The following ITPRID1 variants were observed in gnomAD, a reference collection of about 807,000 sequenced individuals.
The protein encoded by ITPRID1 is ITPR interacting domain containing 1, also known as protein ITPRID1.
In ITPRID1, 96 loss-of-function variants were observed where a neutral mutation model predicts 95.4. The ratio of observed to expected loss-of-function variants is 1.01; its 90% CI spans 0.85 to 1.19. The LOEUF (loss-of-function observed/expected upper bound fraction) is 1.19. ITPRID1 is among the 50% of genes most tolerant of loss of function. The pLI, the probability that ITPRID1 is intolerant of heterozygous loss-of-function variation, is 0.00. For missense variants in ITPRID1, 1,339 were observed against 1,252.9 expected, an observed-to-expected ratio of 1.07 and a Z score of -1.04; for synonymous variants, 510 against 453.6, an observed-to-expected ratio of 1.12 and a Z score of -1.58.
Position 31,653,029 on chromosome 7 carries a change from T to A in ITPRID1, c.*200T>A. ...CAGTATAGAATAACTGAGCACCTAG[T>A]ATGTGCCTGGCACAGAGTATGCAAC... On this transcript the variant is annotated 3_prime_UTR_variant, in exon 15 of 15. Coordinates refer to ENST00000615280, the MANE Select transcript of ITPRID1 (RefSeq NM_001257967.3). 7.4e-7 allele frequency: 1 copy of A among 1,352,112 alleles called. No homozygotes were observed. The highest frequency in any genetic ancestry group is 9.7e-7 in the Non-Finnish European group (1 of 1,031,280). 83.8% of individuals were successfully genotyped at this position (1,352,112 alleles called of 1,614,324 possible). A position where few individuals can be genotyped will look rare whatever the true frequency, so the allele number is the denominator to read the frequency against.
intron 10 of ITPRID1, among the ~76,000 whole-genome samples, chr7:31,625,607 C>T (rs752675188): frequency 6.6e-6 from 1 of 151,906 alleles, no homozygotes; most frequent in Non-Finnish European, 1.5e-5. Flanking sequence ...GAACATCACA[C>T]TCTGGGGACT....
intron 1 of ITPRID1, among the ~76,000 whole-genome samples, chr7:31,524,954 C>T (rs1783378246): frequency 6.6e-6 from 1 of 152,010 alleles, no homozygotes; most frequent in South Asian, 2.1e-4. Context: ...GATTCAGGTT[C>T]AGGTGTGAAA....
intron 5 of ITPRID1, among the ~76,000 whole-genome samples, chr7:31,568,724 A>T (rs895734751): frequency 4.6e-5 from 7 of 152,214 alleles, no homozygotes; most frequent in African/African-American, 1.7e-4. Flanking sequence ...CAGGCAAATG[A>T]ACATTCAGCA....
intron 1 of ITPRID1, among the ~76,000 whole-genome samples, chr7:31,526,772 T>C (rs1280161890): frequency 2.0e-5 from 3 of 152,072 alleles, no homozygotes; most frequent in Admixed American, 6.6e-5. Flanking sequence ...AATAACTCAC[T>C]TATCTACATT....
In ITPRID1 at chr7:31,654,035, T is replaced by C. The variant is rs1791162939; in HGVS notation, c.*1206T>C. Among the ~76,000 whole-genome samples, 3 of 128,028 alleles carry C rather than the reference T, an allele frequency of 2.3e-5. No individual in the cohort carries two copies. Among genetic ancestry groups the C allele is most frequent in the Admixed American group, 1.7e-4 (2 of 11,508 alleles). The allele number at this position is 128,028 out of a possible 152,430, so 84.0% of individuals were successfully genotyped here. A position where few individuals can be genotyped will look rare whatever the true frequency, so the allele number is the denominator to read the frequency against. On this transcript the variant is annotated 3_prime_UTR_variant, in exon 15 of 15. Transcript: ENST00000615280. ...AGATGGACTTTCTACTCAGAAAGAG[T>C]TGGATGAAGAGTAAGTCCAAAAAAA...
intron 10 of ITPRID1, among the ~76,000 whole-genome samples, chr7:31,632,870 A>T (rs560978466): frequency 4.5e-4 from 68 of 151,212 alleles, no homozygotes; most frequent in Non-Finnish European, 5.9e-4. Flanking sequence ...TTTTATTTTT[A>T]TTTATTTATT....
At chr7:31,549,534 C>T in intron 2 of ITPRID1, 35 bp downstream of exon 2, 1 of 1,426,798 alleles carries the variant, frequency 7.0e-7, no homozygotes, top group Non-Finnish European at 9.5e-7. Flanking sequence ...ATTAAATTTT[C>T]CCAAAAACTC....
chr7:31,600,996 C>T (rs1481196448), intron 10 of ITPRID1, among the ~76,000 whole-genome samples: 1 of 152,130 alleles, frequency 6.6e-6, no homozygotes, highest in African/African-American at 2.4e-5. Flanking sequence ...CCTGCTCATG[C>T]CTAGCCACCT....
chr7:31,519,616 CTCTCTATA>C (rs751182679), intron 1 of ITPRID1, among the ~76,000 whole-genome samples: 805 of 38,288 alleles, frequency 0.021, 6 homozygotes, highest in South Asian at 0.049. Context: ...CTCTCTCTCT[CTCTCTATA>C]TATATATATA....
intron 5 of ITPRID1, among the ~76,000 whole-genome samples, chr7:31,567,989 G>A (rs556521237): frequency 1.3e-5 from 2 of 152,086 alleles, no homozygotes; most frequent in African/African-American, 4.8e-5. Flanking sequence ...AGACGGACAT[G>A]GTGGTACACA....
rs1583548315 is a variant in ITPRID1 at position 31,595,282 on chromosome 7, T to A, written c.1228+12091T>A. Among the ~76,000 whole-genome samples, 3 of 151,256 alleles carry A rather than the reference T, an allele frequency of 2.0e-5. No homozygotes were observed. In the East Asian group the frequency reaches 5.8e-4, roughly 29 times the overall value. Reference sequence around the variant, plus strand: ...CTGGTCTTGAACTCCTGACCTCAGGTGATCCACCCGCCTTGGTCCCCCAAA... The same window carrying A: ...CTGGTCTTGAACTCCTGACCTCAGGAGATCCACCCGCCTTGGTCCCCCAAA... On this transcript the variant is annotated intron_variant, in intron 10 of 14. Coordinates refer to ENST00000615280, the MANE Select transcript of ITPRID1 (RefSeq NM_001257967.3).
intron 5 of ITPRID1, among the ~76,000 whole-genome samples, chr7:31,559,657 T>C (rs1784564502): frequency 6.6e-6 from 1 of 152,088 alleles, no homozygotes; most frequent in African/African-American, 2.4e-5. Flanking sequence ...AGAGTGAGAC[T>C]CTGTCTCAGA....
chr7:31,521,858 C>G (rs1006874773), intron 1 of ITPRID1, among the ~76,000 whole-genome samples: 1 of 151,396 alleles, frequency 6.6e-6, no homozygotes, highest in Non-Finnish European at 1.5e-5. Flanking sequence ...ACCACTTACC[C>G]GAGTAGCTAG....
chr7:31,569,542 C>T (rs1207005365), intron 5 of ITPRID1, among the ~76,000 whole-genome samples: 1 of 152,184 alleles, frequency 6.6e-6, no homozygotes, highest in Admixed American at 6.5e-5. Context: ...CACTGACTTC[C>T]CTCTCCATTG....
rs979531024 is a variant in ITPRID1 at position 31,602,692 on chromosome 7, C to T, written c.1228+19501C>T. Among the ~76,000 whole-genome samples, 12 of 152,242 alleles carry T rather than the reference C, an allele frequency of 7.9e-5. No homozygotes were observed. In the South Asian group the frequency reaches 2.3e-3, roughly 29 times the overall value. The stretch of plus-strand genomic sequence containing the variant: ...AGTGGAAGGGAATGGACAGGAGAGT[C>T]GTCTTGCTGTCCCCTGCTCTATATT... On this transcript the variant is annotated intron_variant, in intron 10 of 14. Coordinates refer to ENST00000615280, the MANE Select transcript of ITPRID1 (RefSeq NM_001257967.3).
rs771328995 is a variant in ITPRID1 at position 31,569,777 on chromosome 7, G to C, written c.276G>C (p.Gly92=). 6.3e-7 allele frequency: 1 copy of C among 1,586,964 alleles called. No homozygotes were observed. Among genetic ancestry groups the C allele is most frequent in the Non-Finnish European group, 8.6e-7 (1 of 1,165,360 alleles). The stretch of plus-strand genomic sequence containing the variant: ...TTGCAGTTTCTTTGTATGAACAAGG[G>C]ATGGTTCAAATGACTGTGAAAGACT... ...IDRTVSLYEQ[G]MVQMTVKDYM... is the part of the protein sequence containing the mutation. The change falls in exon 6 of 15, where the codon GGG becomes GGC. Residue 92 remains glycine, a synonymous_variant. Transcript: ENST00000615280.
chr7:31,545,680 T>C (rs1784074503), intron 1 of ITPRID1, among the ~76,000 whole-genome samples: 1 of 152,110 alleles, frequency 6.6e-6, no homozygotes, highest in Non-Finnish European at 1.5e-5. Flanking sequence ...TGTCTTTATA[T>C]CCAGCCTGCT....
intron 8 of ITPRID1, among the ~76,000 whole-genome samples, chr7:31,576,130 G>A (rs904724548): frequency 3.3e-5 from 5 of 152,162 alleles, no homozygotes; most frequent in Non-Finnish European, 5.9e-5. Context: ...GAGAAACTAG[G>A]AGTTGGCCCC....
chr7:31,631,372 GGATT>G (rs368243307), intron 10 of ITPRID1, among the ~76,000 whole-genome samples: 115 of 152,228 alleles, frequency 7.6e-4, no homozygotes, highest in African/African-American at 2.5e-3. Flanking sequence ...ATGTGTATTA[GGATT>G]ATTATTTTAC....
Sources: allele counts gnomAD v4.1 joint callset (sites outside exome capture counted in the v4.1 genomes callset), GRCh38; gene constraint gnomAD v4.1.1; transcripts MANE v1.5; gene names NCBI Gene and HGNC (gene_info 2026-07-23, HGNC 2026-07-21).